TUT7: variants seen among roughly 807,000 people sequenced by gnomAD.
TUT7 encodes terminal uridylyltransferase 7.
Under a neutral mutation model 165.9 loss-of-function variants are expected in TUT7, and 33 were observed. That is an observed-to-expected ratio of 0.20 (90% confidence interval 0.15 to 0.27). TUT7 has a LOEUF of 0.27. Ranked by LOEUF, TUT7 falls within the 10% of genes least tolerant of loss-of-function variation. The pLI, the probability that TUT7 is intolerant of heterozygous loss-of-function variation, is 1.00. For missense variants in TUT7, 1,338 were observed against 1,762.3 expected (o/e 0.76, Z 4.31); for synonymous variants, 552 against 608.1 (o/e 0.91, Z 1.36).
At position 86,323,746 on chromosome 9, in the gene TUT7, A is replaced by G. The variant is rs750182955; in HGVS notation, c.2004T>C (p.Asp668=). The change falls in exon 13 of 27, where the codon GAT becomes GAC. Residue 668 remains aspartate, a synonymous_variant. Coordinates refer to ENST00000375963, the MANE Select transcript of TUT7 (RefSeq NM_024617.4). ...INHHPDVQTK[D]DKLKNSVLAQ... is the part of the protein sequence containing the mutation. ...CCAAAACTGAGTTTTTGAGCTTATC[A>G]TCTTTTGTTTGTACATCTGGATGAT... 11 of 1,613,620 alleles carry G rather than the reference A, an allele frequency of 6.8e-6. No homozygotes were observed. The highest frequency in any genetic ancestry group is 2.2e-5 in the East Asian group (1 of 44,868).
intron 24 of TUT7, among the ~76,000 whole-genome samples, chr9:86,304,390 G>A (rs1266485868): frequency 6.6e-6 from 1 of 152,004 alleles, no homozygotes; most frequent in African/African-American, 2.4e-5. Flanking sequence ...TGAAAAACTC[G>A]AGTATCAAGT....
chr9:86,289,519 A>G (rs1825755674), intron 26 of TUT7, among the ~76,000 whole-genome samples: 1 of 151,144 alleles, frequency 6.6e-6, no homozygotes, highest in African/African-American at 2.5e-5. Flanking sequence ...CCAAGTGAAT[A>G]CAGAATTAAA....
rs750182955 is a variant in TUT7, at chr9:86,323,746, A to C, written c.2004T>G (p.Asp668Glu). The change falls in exon 13 of 27, where the codon GAT becomes GAG. Residue 668 changes from aspartate (D) to glutamate (E), a missense_variant. Physicochemically the swap from Asp to Glu is conservative, Grantham distance 45. Coordinates refer to ENST00000375963, the MANE Select transcript of TUT7 (RefSeq NM_024617.4). ...CCAAAACTGAGTTTTTGAGCTTATC[A>C]TCTTTTGTTTGTACATCTGGATGAT... ...INHHPDVQTK[D>E]DKLKNSVLAQ... is the part of the protein sequence containing the mutation. 1.2e-6 allele frequency: 2 copies of C among 1,613,502 alleles called. No homozygotes were observed. The highest frequency in any genetic ancestry group is 2.7e-5 in the African/African-American group (2 of 74,872).
At chr9:86,345,902 G>A (rs1831713756) in intron 3 of TUT7, 117 bp from the exon 4 acceptor site, 2 of 746,828 alleles carry the variant, frequency 2.7e-6, no homozygotes, top group East Asian at 5.2e-5. Context: ...AGAGACAGGA[G>A]TCTCACTATG....
rs1022701527 is a variant in TUT7, at chr9:86,337,476, G to C, written c.1398C>G (p.Ala466=). 1.2e-6 allele frequency: 2 copies of C among 1,613,726 alleles called. No individual in the cohort carries two copies. The highest frequency in any genetic ancestry group is 1.7e-5 in the Admixed American group (1 of 59,994). ...CTTTCCTCTGCTGAAGAAAGAAAAT[G>C]GCCATCAGGGCAAACACATAAGGTG... ...GLPPYVFALM[A]IFFLQQRKEP... is the part of the protein sequence containing the mutation. The change falls in exon 10 of 27, where the codon GCC becomes GCG. Residue 466 remains alanine (A), a synonymous_variant. Transcript: ENST00000375963.
chr9:86,295,912 A>C (rs571376474), intron 26 of TUT7, among the ~76,000 whole-genome samples: 2 of 152,242 alleles, frequency 1.3e-5, no homozygotes, highest in Non-Finnish European at 2.9e-5. Context: ...AAGGTTAAGG[A>C]ATAGAAAAAA....
chr9:86,353,808 A>G (rs1832510018), intron 1 of TUT7, among the ~76,000 whole-genome samples: 1 of 152,184 alleles, frequency 6.6e-6, no homozygotes, highest in East Asian at 1.9e-4. Context: ...GCTGTAATTA[A>G]AGAGGCTGGG....
At chr9:86,317,524 C>G (rs1162685656) in intron 16 of TUT7, among the ~76,000 whole-genome samples, 1 of 152,272 alleles carries the variant, frequency 6.6e-6, no homozygotes, top group Admixed American at 6.5e-5. Flanking sequence ...AGTCAGGAAG[C>G]TTATGGACCT....
At chr9:86,300,996 A>G (rs1826836742) in intron 26 of TUT7, among the ~76,000 whole-genome samples, 1 of 152,234 alleles carries the variant, frequency 6.6e-6, no homozygotes, top group Non-Finnish European at 1.5e-5. Flanking sequence ...CTGAGGCTAC[A>G]TGTGCAGGTA....
In TUT7 at chr9:86,323,281, T is replaced by C. The variant is rs762509579; in HGVS notation, c.2469A>G (p.Leu823=). 25 of 1,614,102 alleles carry C rather than the reference T, an allele frequency of 1.5e-5. No individual in the cohort carries two copies. The highest frequency in any genetic ancestry group is 6.7e-5 in the African/African-American group (5 of 74,952). The change falls in exon 13 of 27, where the codon CTA becomes CTG. Residue 823 remains leucine (L), a synonymous_variant. Coordinates refer to ENST00000375963, the MANE Select transcript of TUT7 (RefSeq NM_024617.4). The part of the protein sequence containing the change: ...DGESTEGTEE[L]EDSLNHFTHS... ...GGGTAAAGTGGTTTAGAGAGTCTTC[T>C]AGTTCCTCAGTACCTTCTGTACTTT...
intron 25 of TUT7, chr9:86,301,929 A>T: frequency 1.1e-6 from 1 of 889,342 alleles, no homozygotes; most frequent in African/African-American, 1.8e-5. Flanking sequence ...GATTTCTTGA[A>T]CGGCCTTTCT....
Position 86,319,709 on chromosome 9 carries a change from G to C in TUT7, c.3029-39C>G, listed in dbSNP as rs700760. ...AATAGACATATTGACAAAATAAGCC[G>C]GTTGACACTCTTAGAAAAAGCTGAA... On this transcript the variant is annotated intron_variant, in intron 14 of 26. Coordinates refer to ENST00000375963, the MANE Select transcript of TUT7 (RefSeq NM_024617.4). 5 of 1,341,686 alleles carry C rather than the reference G, an allele frequency of 3.7e-6. No individual in the cohort carries two copies. The South Asian group carries it at 6.6e-5, about 18-fold the overall frequency. 83.1% of individuals were successfully genotyped at this position (1,341,686 alleles called of 1,614,324 possible).
intron 3 of TUT7, 94 bp downstream of exon 3, chr9:86,346,205 T>C (rs1484860230): frequency 1.7e-6 from 2 of 1,181,942 alleles, no homozygotes; most frequent in Non-Finnish European, 2.4e-6. Context: ...CAAAGTAGGA[T>C]ATCTAATTGA....
At chr9:86,334,854 A>C (rs1830633675) in intron 10 of TUT7, among the ~76,000 whole-genome samples, 1 of 152,022 alleles carries the variant, frequency 6.6e-6, no homozygotes, top group African/African-American at 2.4e-5. Flanking sequence ...TTTTTGTCTT[A>C]AATCAGAGTT....
intron 7 of TUT7, 42 bp downstream of exon 7, chr9:86,340,960 T>C (rs368254137): frequency 5.4e-6 from 8 of 1,470,058 alleles, no homozygotes; most frequent in African/African-American, 4.2e-5. Context: ...ATCCAAATTA[T>C]AGACAACATA....
At chr9:86,317,186 A>G (rs375139023) in intron 17 of TUT7, 33 bp downstream of exon 17, 1 of 1,592,424 alleles carries the variant, frequency 6.3e-7, no homozygotes, top group African/African-American at 1.3e-5. Context: ...TTAAAAAGTC[A>G]GAAATATTTT....
rs1279816587 is a variant in TUT7 at position 86,311,658 on chromosome 9, C to CTCTGATGCCGGTCTCCA, written c.3275-850_3275-849insTGGAGACCGGCATCAGA. On this transcript the variant is annotated intron_variant, in intron 17 of 26. Coordinates refer to ENST00000375963, the MANE Select transcript of TUT7 (RefSeq NM_024617.4). The surrounding 1 kb of genome is among the most constrained non-coding windows in gnomAD (Gnocchi z 4.4). ...CGGTCTCCCTCTGATGCCGGTCTCCCTCTGATGCCGAGCCGAAGCTGGACT... is the reference window on the plus strand; with the variant it reads ...CGGTCTCCCTCTGATGCCGGTCTCCCTCTGATGCCGGTCTCCATCTGATGCCGAGCCGAAGCTGGACT... Among the ~76,000 whole-genome samples the CTCTGATGCCGGTCTCCA allele has an allele frequency of 4.6e-5, 7 of 152,150 alleles. No individual in the cohort carries two copies. The highest frequency in any genetic ancestry group is 7.3e-5 in the Non-Finnish European group (5 of 68,038).
intron 17 of TUT7, among the ~76,000 whole-genome samples, chr9:86,315,636 G>A (rs931494864): frequency 1.6e-4 from 24 of 151,990 alleles, no homozygotes; most frequent in African/African-American, 5.8e-4. Flanking sequence ...TTCTTTGCAC[G>A]ACCTTCAAAA....
chr9:86,328,371 GCCT>G lies in TUT7; in HGVS notation c.1574_1576del (p.Glu525del). 3 of 1,605,286 alleles carry G rather than the reference GCCT, an allele frequency of 1.9e-6. No individual in the cohort carries two copies. Among genetic ancestry groups the G allele is most frequent in the Non-Finnish European group, 8.5e-7 (1 of 1,176,194 alleles). ...CCTTTTAATCGGCGTTTCTCTTGGT[GCCT>G]CTTCTTTTGTTATGCCTGTGTCCCC... On this transcript the variant is annotated inframe_deletion, in exon 11 of 27. Coordinates refer to ENST00000375963, the MANE Select transcript of TUT7 (RefSeq NM_024617.4).
Sources: gnomAD v4.1 joint callset for allele counts (sites outside exome capture counted in the v4.1 genomes callset) on GRCh38, gnomAD v4.1.1 for gene constraint, Gnocchi (gnomAD v3.1) non-coding constraint, MANE v1.5 for transcripts, NCBI Gene and HGNC (gene_info 2026-07-23, HGNC 2026-07-21) for gene names.